The following NAV3 variants were observed in gnomAD, a reference collection of about 807,000 sequenced individuals.
The protein encoded by NAV3 is neuron navigator 3.
A neutral mutation model predicts 244.7 loss-of-function variants in NAV3; 87 were observed. The ratio of observed to expected loss-of-function variants is 0.36; its 90% confidence interval spans 0.30 to 0.42. The LOEUF (loss-of-function observed/expected upper bound fraction) is 0.42, where lower values mean the gene tolerates loss of function less well. Among genes scored for constraint, NAV3 ranks in the 20% least tolerant of loss-of-function variants. NAV3 has a pLI of 1.00. For missense variants in NAV3, 2,663 were observed against 2,893.3 expected (o/e 0.92, Z 1.83); for synonymous variants, 1,126 against 1,042.2 (o/e 1.08, Z -1.55).
intron 8 of NAV3, among the ~76,000 whole-genome samples, chr12:78,011,439 A>C (rs1408940908): frequency 6.6e-6 from 1 of 152,154 alleles, no homozygotes; most frequent in African/African-American, 2.4e-5. Flanking sequence ...CAACATACAC[A>C]ATTAATGTAG....
In NAV3 at chr12:78,199,522, G is replaced by T. The variant is rs759537771; in HGVS notation, c.6706G>T (p.Val2236Phe). ...SFLETHSSSD[V>F]TIGPRLFLPC... ...TTTGGAAACACACAGTTCTTCTGAC[G>T]TTACCATTGGTGAGTTCCAAAATTA... is the stretch of plus-strand genomic sequence containing the variant. Residue 2236 changes from valine (V) to phenylalanine (F), a missense_variant, in exon 37 of 40, where the codon GTT becomes TTT. By Grantham distance (50) the Val-to-Phe change is conservative. Around this residue, in one of 6 missense-constraint regions of NAV3, gnomAD observed 543 missense variants for 672.4 expected, o/e 0.81. Transcript: ENST00000397909. 1 of 1,584,258 alleles carries T rather than the reference G, an allele frequency of 6.3e-7. No homozygotes were observed. The highest frequency in any genetic ancestry group is 8.6e-7 in the Non-Finnish European group (1 of 1,168,670).
At position 77,691,356 on chromosome 12, in the gene NAV3, CATAT is replaced by C. The variant is rs1403981323; in HGVS notation, c.72+119091_72+119094del. The stretch of plus-strand genomic sequence containing the variant: ...ATGTGTGTATATATATATATATATA[CATAT>C]CCATTCTTGTACTTTTTCTGCTCAA... On this transcript the variant is annotated intron_variant, in intron 2 of 8. Coordinates refer to the NAV3 transcript ENST00000550042. Among the ~76,000 whole-genome samples, 29 of 108,628 alleles carry C rather than the reference CATAT, an allele frequency of 2.7e-4. 1 individual carries two copies. Among genetic ancestry groups the C allele is most frequent in the African/African-American group, 9.5e-4 (28 of 29,450 alleles). The allele number at this position is 108,628 out of a possible 152,430, so 71.3% of individuals were successfully genotyped here. A position where few individuals can be genotyped will look rare whatever the true frequency, so the allele number is the denominator to read the frequency against.
intron 2 of NAV3, among the ~76,000 whole-genome samples, chr12:77,702,156 A>G (rs1286394205): frequency 6.6e-6 from 1 of 151,988 alleles, no homozygotes; most frequent in Non-Finnish European, 1.5e-5. Context: ...GTGCATACAC[A>G]CGTGGGATTT....
chr12:77,791,839 A>G (rs1871190144), intron 2 of NAV3, among the ~76,000 whole-genome samples: 2 of 152,270 alleles, frequency 1.3e-5, no homozygotes, highest in South Asian at 2.1e-4. Flanking sequence ...AAGTATTTGC[A>G]TAGCACTCAC....
intron 2 of NAV3, among the ~76,000 whole-genome samples, chr12:77,687,237 A>G (rs1416311700): frequency 1.3e-5 from 2 of 152,150 alleles, no homozygotes; most frequent in Non-Finnish European, 2.9e-5. Flanking sequence ...ATAACCATTT[A>G]TAAAACAGAA....
chr12:78,089,296 A>G (rs1301538385), intron 12 of NAV3, among the ~76,000 whole-genome samples: 2 of 152,184 alleles, frequency 1.3e-5, no homozygotes, highest in Non-Finnish European at 1.5e-5. Flanking sequence ...GAAAAAATAC[A>G]TGATAAACCA....
At chr12:78,114,652 A>G (rs1258649501) in intron 12 of NAV3, among the ~76,000 whole-genome samples, 1 of 152,146 alleles carries the variant, frequency 6.6e-6, no homozygotes, top group Non-Finnish European at 1.5e-5. Context: ...CTCCCATGAC[A>G]CGTGAAGATT....
At chr12:77,601,397 A>G (rs1870422242) in intron 2 of NAV3, among the ~76,000 whole-genome samples, 1 of 152,024 alleles carries the variant, frequency 6.6e-6, no homozygotes, top group Non-Finnish European at 1.5e-5. Flanking sequence ...GACTGAATAT[A>G]AGGGAAGGTT....
At position 78,004,728 on chromosome 12, in the gene NAV3, A is replaced by C. The variant is rs548201806; in HGVS notation, c.881-1691A>C. On this transcript the variant is annotated intron_variant, in intron 7 of 39. Coordinates refer to ENST00000397909, the MANE Select transcript of NAV3 (RefSeq NM_001024383.2). ...TATTCCAGTGCCTTCCTGATGCACA[A>C]CAACCTATGATTTGCCCTCTTAATG... Among the ~76,000 whole-genome samples, 5 of 152,316 alleles carry C rather than the reference A, an allele frequency of 3.3e-5. No individual in the cohort carries two copies. In the East Asian group the frequency reaches 7.7e-4, roughly 24 times the overall value.
chr12:77,789,574 C>T (rs919766672), intron 2 of NAV3, among the ~76,000 whole-genome samples: 5 of 150,994 alleles, frequency 3.3e-5, no homozygotes, highest in South Asian at 2.1e-4. Flanking sequence ...CTTTGGGAGG[C>T]GGAGGCGGGT....
intron 2 of NAV3, among the ~76,000 whole-genome samples, chr12:77,768,553 T>C (rs1379265311): frequency 6.6e-6 from 1 of 152,228 alleles, no homozygotes; most frequent in Non-Finnish European, 1.5e-5. Context: ...CCAGCTGGAA[T>C]GAACACAACA....
Position 78,188,824 on chromosome 12 carries a change from C to T in NAV3, c.6055+47C>T, listed in dbSNP as rs768525598. ...AAGGCAGAAATATAATTTTTAGCAA[C>T]ATTTTATTCTGCCCCCCGCCCCTTT... On this transcript the variant is annotated intron_variant, in intron 33 of 39. Transcript: ENST00000397909. 57 of 1,573,372 alleles carry T rather than the reference C, an allele frequency of 3.6e-5. No homozygotes were observed. The South Asian group carries it at 6.4e-4, about 18-fold the overall frequency.
intron 2 of NAV3, among the ~76,000 whole-genome samples, chr12:77,816,641 C>G (rs1025518553): frequency 6.6e-6 from 1 of 152,144 alleles, no homozygotes; most frequent in Admixed American, 6.5e-5. Context: ...CTCTATGCAG[C>G]TAATAGGCTT....
intron 20 of NAV3, among the ~76,000 whole-genome samples, chr12:78,142,745 A>ATG (rs1956683146): frequency 7.6e-6 from 1 of 131,948 alleles, no homozygotes; most frequent in African/African-American, 2.8e-5. Context: ...GTGTATATAT[A>ATG]TATTTATAGG....
At chr12:77,676,204 T>C (rs921231229) in intron 2 of NAV3, among the ~76,000 whole-genome samples, 4 of 151,990 alleles carry the variant, frequency 2.6e-5, no homozygotes, top group Non-Finnish European at 5.9e-5. Context: ...GGTTTTAAGC[T>C]CCGCATGCTT....
intron 2 of NAV3, among the ~76,000 whole-genome samples, chr12:77,790,203 A>C (rs959839568): frequency 6.6e-6 from 1 of 152,296 alleles, no homozygotes; most frequent in Middle Eastern, 3.4e-3. Context: ...ATTTATTCAT[A>C]CTACAACTGA....
At chr12:78,121,906 G>T (rs2138675900) in intron 15 of NAV3, 34 bp from the exon 16 acceptor site, 1 of 1,606,912 alleles carries the variant, frequency 6.2e-7, no homozygotes, top group South Asian at 1.1e-5. Context: ...TAGCTTCTTG[G>T]AACAACTGAA....
At chr12:77,694,038 C>T (rs1364345784) in intron 2 of NAV3, among the ~76,000 whole-genome samples, 1 of 152,066 alleles carries the variant, frequency 6.6e-6, no homozygotes, top group Non-Finnish European at 1.5e-5. Flanking sequence ...TCCCCTATTC[C>T]ATCCTTAATA....
At chr12:77,590,690 T>C (rs1869865974) in intron 2 of NAV3, among the ~76,000 whole-genome samples, 2 of 152,238 alleles carry the variant, frequency 1.3e-5, no homozygotes, top group African/African-American at 2.4e-5. Context: ...TGGTTATTAT[T>C]CACACAAATA....
Sources: allele counts gnomAD v4.1 joint callset (sites outside exome capture counted in the v4.1 genomes callset), GRCh38; gene constraint gnomAD v4.1.1; regional missense constraint gnomAD v4.1.1; transcripts MANE v1.5; gene names NCBI Gene and HGNC (gene_info 2026-07-23, HGNC 2026-07-21).